UVRAG: variants seen among roughly 807,000 people sequenced by gnomAD.
UVRAG encodes UV radiation resistance associated.
In UVRAG, 19 loss-of-function variants were observed where a neutral mutation model predicts 78.0. The observed-to-expected ratio is 0.24, with a 90% confidence interval of 0.17 to 0.36. The LOEUF is 0.36. UVRAG is among the 10% of genes least tolerant of loss of function. The pLI, the probability that UVRAG is intolerant of heterozygous loss-of-function variation, is 1.00. For synonymous variants in UVRAG, 323 were observed against 324.6 expected, an observed-to-expected ratio of 1.00 and a Z score of 0.05; for missense variants, 740 against 853.8, an observed-to-expected ratio of 0.87 and a Z score of 1.66.
chr11:75,878,286 C>T (rs1294780250), intron 3 of UVRAG: 1 of 201,246 alleles, frequency 5.0e-6, no homozygotes, highest in African/African-American at 2.4e-5. Context: ...AGACGCTCCT[C>T]ACTTCGTAGA....
At chr11:75,907,636 CCTGAG>C (rs1200347386) in intron 5 of UVRAG, among the ~76,000 whole-genome samples, 1 of 152,062 alleles carries the variant, frequency 6.6e-6, no homozygotes, top group Non-Finnish European at 1.5e-5. Flanking sequence ...ACCTCAGCCT[CCTGAG>C]TAGCCGGGAC....
chr11:76,038,432 T>C (rs534011), intron 12 of UVRAG, among the ~76,000 whole-genome samples: 1 of 152,198 alleles, frequency 6.6e-6, no homozygotes, highest in Non-Finnish European at 1.5e-5. Context: ...GCATTTGCAT[T>C]GTATTAGGTA....
At chr11:76,102,948 T>TC (rs1410566263) in intron 13 of UVRAG, among the ~76,000 whole-genome samples, 4 of 152,124 alleles carry the variant, frequency 2.6e-5, no homozygotes, top group African/African-American at 9.7e-5. Context: ...TTGGCAATAA[T>TC]CCACTTCCAA....
intron 7 of UVRAG, among the ~76,000 whole-genome samples, chr11:75,970,368 T>C (rs1949100400): frequency 6.6e-6 from 1 of 152,260 alleles, no homozygotes; most frequent in Non-Finnish European, 1.5e-5. Context: ...GTGTATTCAG[T>C]AAAATTGATT....
chr11:76,092,378 G>C (rs1357741961), intron 13 of UVRAG, among the ~76,000 whole-genome samples: 1 of 152,268 alleles, frequency 6.6e-6, no homozygotes, highest in South Asian at 2.1e-4. Context: ...GGGTCAAATG[G>C]TATTTCTAGT....
intron 6 of UVRAG, among the ~76,000 whole-genome samples, chr11:75,921,805 C>A (rs940408180): frequency 3.3e-5 from 5 of 151,896 alleles, no homozygotes; most frequent in Admixed American, 3.3e-4. Context: ...CAGCACCTTT[C>A]TTTTCCCACT....
intron 13 of UVRAG, among the ~76,000 whole-genome samples, chr11:76,081,632 C>T (rs916992552): frequency 6.6e-6 from 1 of 151,738 alleles, no homozygotes; most frequent in Non-Finnish European, 1.5e-5. Context: ...GTTTTGAGCA[C>T]ATGTATGATT....
intron 3 of UVRAG, chr11:75,878,326 C>G (rs1013779448): frequency 1.6e-5 from 3 of 188,596 alleles, no homozygotes; most frequent in African/African-American, 7.2e-5. Context: ...AGGCGCTCCT[C>G]ACTTCCTAGA....
At chr11:75,845,752 ATTATGCTGAT>A (rs952195283) in intron 1 of UVRAG, among the ~76,000 whole-genome samples, 4 of 152,142 alleles carry the variant, frequency 2.6e-5, no homozygotes, top group African/African-American at 9.7e-5. Flanking sequence ...GCTATTGGGC[ATTATGCTGAT>A]TACCTGGGTG....
intron 12 of UVRAG, among the ~76,000 whole-genome samples, chr11:76,029,924 G>A (rs1292600554): frequency 6.6e-6 from 1 of 152,158 alleles, no homozygotes; most frequent in South Asian, 2.1e-4. Context: ...ACCCTGATTA[G>A]TCAATAGCTA....
intron 12 of UVRAG, among the ~76,000 whole-genome samples, chr11:76,031,546 C>T (rs536209142): frequency 5.3e-5 from 8 of 152,284 alleles, no homozygotes; most frequent in Admixed American, 2.0e-4. Context: ...TCTAGTATTA[C>T]TGTCATCTCA....
At chr11:75,899,127 A>AG (rs1429774829) in intron 5 of UVRAG, among the ~76,000 whole-genome samples, 1 of 152,176 alleles carries the variant, frequency 6.6e-6, no homozygotes, top group Non-Finnish European at 1.5e-5. Flanking sequence ...CTTACAAAAT[A>AG]GAACAAAGAA....
intron 13 of UVRAG, among the ~76,000 whole-genome samples, chr11:76,096,513 A>G (rs995682332): frequency 6.6e-6 from 1 of 152,212 alleles, no homozygotes; most frequent in African/African-American, 2.4e-5. Flanking sequence ...TTTAACAGAT[A>G]GAGCTGCCCA....
chr11:76,079,171 G>A (rs550012655), intron 13 of UVRAG, among the ~76,000 whole-genome samples: 11 of 152,138 alleles, frequency 7.2e-5, no homozygotes, highest in South Asian at 2.1e-4. Flanking sequence ...TTTGACTCGC[G>A]ACAGCATGAT....
At position 76,143,182 on chromosome 11, in the gene UVRAG, A is replaced by C. The variant is rs75950864; in HGVS notation, c.*1769A>C. ...GCCCTCCAGGGAAGTAACATTTACC[A>C]AAAAAAAAGAAAAGTTCTGAAGGGC... On this transcript the variant is annotated 3_prime_UTR_variant, in exon 15 of 15. Transcript: ENST00000356136. 7.2e-6 allele frequency: 1 copy of C among 138,482 alleles called. No individual in the cohort carries two copies. The highest frequency in any genetic ancestry group is 2.0e-4 in the East Asian group (1 of 5,006). 8.6% of individuals were successfully genotyped at this position (138,482 alleles called of 1,614,324 possible). A position where few individuals can be genotyped will look rare whatever the true frequency, so the allele number is the denominator to read the frequency against.
At chr11:75,909,311 A>G (rs1243805086) in intron 5 of UVRAG, among the ~76,000 whole-genome samples, 1 of 152,012 alleles carries the variant, frequency 6.6e-6, no homozygotes, top group African/African-American at 2.4e-5. Context: ...GAGAAACCCC[A>G]TCTCTACAAA....
chr11:76,082,280 C>T (rs913367781), intron 13 of UVRAG, among the ~76,000 whole-genome samples: 1 of 152,172 alleles, frequency 6.6e-6, no homozygotes, highest in African/African-American at 2.4e-5. Flanking sequence ...GTGGCTCACG[C>T]CTGTAATCCC....
At chr11:75,902,240 G>A (rs932975640) in intron 5 of UVRAG, among the ~76,000 whole-genome samples, 5 of 152,190 alleles carry the variant, frequency 3.3e-5, no homozygotes, top group South Asian at 4.1e-4. Flanking sequence ...ACCAGGGATC[G>A]GTTTTGTGGA....
At chr11:75,901,767 A>T (rs1215437542) in intron 5 of UVRAG, among the ~76,000 whole-genome samples, 1 of 152,196 alleles carries the variant, frequency 6.6e-6, no homozygotes, top group East Asian at 1.9e-4. Flanking sequence ...TTAATGACTT[A>T]TGAGGTCTTG....
Sources: gnomAD v4.1 joint callset for allele counts (sites outside exome capture counted in the v4.1 genomes callset) on GRCh38, gnomAD v4.1.1 for gene constraint, MANE v1.5 for transcripts, NCBI Gene and HGNC (gene_info 2026-07-23, HGNC 2026-07-21) for gene names.